ADSS2: variants seen among roughly 807,000 people sequenced by gnomAD.
The protein encoded by ADSS2 is adenylosuccinate synthetase isozyme 2.
A neutral mutation model predicts 60.0 loss-of-function variants in ADSS2; 30 were observed. The ratio of observed to expected loss-of-function variants is 0.50; its 90% CI spans 0.37 to 0.68. The LOEUF is 0.68. Ranked by LOEUF, ADSS2 falls within the 30% of genes least tolerant of loss-of-function variation. ADSS2 has a pLI of 0.00. For missense variants in ADSS2, 373 were observed against 554.8 expected (o/e 0.67, Z 3.29); for synonymous variants, 187 against 193.1 (o/e 0.97, Z 0.26).
chr1:244,410,925 G>A (rs1664397268), intron 12 of ADSS2, among the ~76,000 whole-genome samples: 1 of 152,190 alleles, frequency 6.6e-6, no homozygotes, highest in Non-Finnish European at 1.5e-5. Context: ...ACATAGGCAA[G>A]TTAAAAGAAA....
chr1:244,424,195 T>C, intron 5 of ADSS2, 126 bp downstream of exon 5: 1 of 1,209,670 alleles, frequency 8.3e-7, no homozygotes, highest in Non-Finnish European at 1.2e-6. Context: ...ATGTTCATAA[T>C]CCTACTGATT....
At chr1:244,425,699 T>C (rs1429083180) in intron 4 of ADSS2, among the ~76,000 whole-genome samples, 1 of 152,168 alleles carries the variant, frequency 6.6e-6, no homozygotes, top group Non-Finnish European at 1.5e-5. Flanking sequence ...CTTTTTATGA[T>C]CAAAGGTTTC....
intron 9 of ADSS2, among the ~76,000 whole-genome samples, chr1:244,418,301 T>C (rs866403328): frequency 3.9e-5 from 6 of 152,150 alleles, no homozygotes; most frequent in South Asian, 4.1e-4. Context: ...TATAATTACA[T>C]AGTTTTTGTT....
At chr1:244,418,612 C>T (rs766138517) in intron 9 of ADSS2, 148 bp downstream of exon 9, 53 of 802,774 alleles carry the variant, frequency 6.6e-5, no homozygotes, top group African/African-American at 6.3e-4. Context: ...GGGGCCACCA[C>T]GTCCAGCCAA....
At chr1:244,418,991 CTGCATT>C in intron 8 of ADSS2, 77 bp from the exon 9 acceptor site, 1 of 1,331,952 alleles carries the variant, frequency 7.5e-7, no homozygotes, top group Non-Finnish European at 1.0e-6. Context: ...CGTTACAATT[CTGCATT>C]TGAGTATATT....
intron 4 of ADSS2, among the ~76,000 whole-genome samples, chr1:244,427,659 C>T (rs1572136853): frequency 6.6e-6 from 1 of 152,136 alleles, no homozygotes; most frequent in East Asian, 1.9e-4. Flanking sequence ...AATCTTAAGG[C>T]AACTCTAGTG....
chr1:244,412,565 T>G (rs190159827), intron 11 of ADSS2, among the ~76,000 whole-genome samples: 3 of 152,314 alleles, frequency 2.0e-5, no homozygotes, highest in African/African-American at 7.2e-5. Context: ...ATGAACGCTA[T>G]TCACGAACTG....
At chr1:244,450,438 G>A (rs569302639) in intron 1 of ADSS2, among the ~76,000 whole-genome samples, 33 of 152,322 alleles carry the variant, frequency 2.2e-4, no homozygotes, top group Non-Finnish European at 3.7e-4. Flanking sequence ...AGGTAAATCA[G>A]AGAATATTTG....
At chr1:244,438,052 G>GA (rs1377096301) in intron 1 of ADSS2, among the ~76,000 whole-genome samples, 7 of 152,012 alleles carry the variant, frequency 4.6e-5, no homozygotes, top group East Asian at 1.9e-4. Flanking sequence ...GAAAAAAAGT[G>GA]AAAAAAATAC....
intron 1 of ADSS2, among the ~76,000 whole-genome samples, chr1:244,442,070 C>T (rs1665261859): frequency 6.6e-6 from 1 of 152,136 alleles, no homozygotes; most frequent in Admixed American, 6.5e-5. Context: ...CACAAAATTA[C>T]TTTTATAGCT....
rs1337632582 is a variant in ADSS2 at position 244,451,188 on chromosome 1, G to A, written c.183+447C>T. On this transcript the variant is annotated intron_variant, in intron 1 of 12. Coordinates refer to ENST00000366535, the MANE Select transcript of ADSS2 (RefSeq NM_001126.5). The surrounding 1 kb of genome is among the most constrained non-coding windows in gnomAD (Gnocchi z 6.6). ...ATCCACTCCCACTCCGCCGCCCTGG[G>A]CGGGGCGGGGGGGCGGTGATGGGGG... is the stretch of plus-strand genomic sequence containing the variant. Among the ~76,000 whole-genome samples the A allele has an allele frequency of 1.3e-5, 2 of 152,138 alleles. No individual in the cohort carries two copies. The highest frequency in any genetic ancestry group is 6.5e-5 in the Admixed American group (1 of 15,286).
chr1:244,412,431 G>A (rs3123695), intron 11 of ADSS2, among the ~76,000 whole-genome samples: 14,305 of 152,200 alleles, frequency 0.094, 999 homozygotes, highest in South Asian at 0.25. Context: ...CTAAGAGGCA[G>A]AATCACTGGC....
chr1:244,440,487 G>A (rs1159083057), intron 1 of ADSS2, among the ~76,000 whole-genome samples: 2 of 152,144 alleles, frequency 1.3e-5, no homozygotes, highest in Admixed American at 6.5e-5. Context: ...CTTTGGAAAG[G>A]CACAGGCAGA....
At chr1:244,422,991 G>T in intron 6 of ADSS2, 75 bp from the exon 7 acceptor site, 1 of 987,810 alleles carries the variant, frequency 1.0e-6, no homozygotes, top group Non-Finnish European at 1.5e-6. Flanking sequence ...CATTCAAATG[G>T]TTTCTGCAGA....
chr1:244,416,243 C>T (rs534506577), intron 10 of ADSS2, among the ~76,000 whole-genome samples, 165 bp from the exon 11 acceptor site: 4 of 152,318 alleles, frequency 2.6e-5, no homozygotes, highest in South Asian at 2.1e-4. Context: ...ACACATAAGA[C>T]GCTAGAGGAC....
chr1:244,439,495 G>A lies in ADSS2; in HGVS notation c.184-1727C>T, dbSNP rs145640613. 2.4e-3 allele frequency among the ~76,000 whole-genome samples: 359 copies of A among 152,268 alleles called. 1 individual carries two copies. The highest frequency in any genetic ancestry group is 4.2e-3 in the Non-Finnish European group (286 of 68,018). On this transcript the variant is annotated intron_variant, in intron 1 of 12. Transcript: ENST00000366535. ...CGGGGAACTCAGGACTCCGCCCAGT[G>A]CCCTGCCCCTACTGTGGCTGGGATC... is the stretch of plus-strand genomic sequence containing the variant.
At chr1:244,435,929 T>C (rs1665089458) in intron 3 of ADSS2, among the ~76,000 whole-genome samples, 1 of 152,204 alleles carries the variant, frequency 6.6e-6, no homozygotes, top group Admixed American at 6.5e-5. Flanking sequence ...CTATATTTCA[T>C]TTATTACCAC....
intron 4 of ADSS2, among the ~76,000 whole-genome samples, chr1:244,431,892 T>C (rs1415482789): frequency 1.3e-5 from 2 of 152,200 alleles, no homozygotes; most frequent in African/African-American, 4.8e-5. Flanking sequence ...GCCTTTTAAA[T>C]AGAGGCCAGT....
intron 10 of ADSS2, among the ~76,000 whole-genome samples, chr1:244,417,191 CAG>C (rs1385040055): frequency 2.0e-5 from 3 of 152,150 alleles, no homozygotes; most frequent in African/African-American, 7.2e-5. Context: ...GAGGATAAAA[CAG>C]AGGCAGAGGA....
Sources: gnomAD v4.1 joint callset for allele counts (sites outside exome capture counted in the v4.1 genomes callset) on GRCh38, gnomAD v4.1.1 for gene constraint, Gnocchi (gnomAD v3.1) non-coding constraint, MANE v1.5 for transcripts, NCBI Gene and HGNC (gene_info 2026-07-23, HGNC 2026-07-21) for gene names.